BANF2: variants seen among roughly 807,000 people sequenced by gnomAD.
BANF2 encodes the protein barrier-to-autointegration factor-like protein.
In BANF2, 4 loss-of-function variants were observed where a neutral mutation model predicts 8.0. That is an observed-to-expected ratio of 0.50 (90% CI 0.25 to 1.14). The LOEUF (loss-of-function observed/expected upper bound fraction) is 1.14. BANF2 is among the 50% of genes most tolerant of loss of function. BANF2 has a pLI of 0.16. For missense variants in BANF2, 96 were observed against 107.5 expected, an observed-to-expected ratio of 0.89 and a Z score of 0.47; for synonymous variants, 50 against 40.6, an observed-to-expected ratio of 1.23 and a Z score of -0.88.
chr20:17,735,057 C>T (rs780543278), intron 3 of BANF2, among the ~76,000 whole-genome samples: 1 of 151,670 alleles, frequency 6.6e-6, no homozygotes, highest in South Asian at 2.1e-4. Flanking sequence ...CCGGCCTGGG[C>T]GACAGAGCAA....
chr20:17,695,445 CAAAAA>C (rs71192401), upstream of BANF2, among the ~76,000 whole-genome samples: 3 of 51,360 alleles, frequency 5.8e-5, no homozygotes, highest in Non-Finnish European at 1.0e-4. Flanking sequence ...GACCTTGTCT[CAAAAA>C]AAAAAAAAAA....
intron 3 of BANF2, among the ~76,000 whole-genome samples, chr20:17,732,010 G>A (rs901747851): frequency 6.6e-6 from 1 of 151,508 alleles, no homozygotes; most frequent in Non-Finnish European, 1.5e-5. Context: ...AGGTTGCAGT[G>A]AGCCAAGACC....
chr20:17,697,858 CT>C (rs2037359636), upstream of BANF2, among the ~76,000 whole-genome samples: 1 of 152,128 alleles, frequency 6.6e-6, no homozygotes, highest in African/African-American at 2.4e-5. Flanking sequence ...TCATGAATGT[CT>C]TGGTGCTGTA....
chr20:17,695,556 C>A (rs745404920), upstream of BANF2, among the ~76,000 whole-genome samples: 5 of 150,016 alleles, frequency 3.3e-5, no homozygotes, highest in Admixed American at 6.6e-5. Context: ...ACAACTAGCA[C>A]ATTTTAGTGT....
intron 3 of BANF2, among the ~76,000 whole-genome samples, chr20:17,726,646 A>G (rs1600227024): frequency 1.3e-5 from 2 of 152,300 alleles, no homozygotes; most frequent in South Asian, 4.1e-4. Flanking sequence ...AGATCCAGCA[A>G]TCAGATGTCT....
chr20:17,726,682 G>T (rs2037813666), intron 3 of BANF2, among the ~76,000 whole-genome samples: 1 of 152,150 alleles, frequency 6.6e-6, no homozygotes, highest in Non-Finnish European at 1.5e-5. Flanking sequence ...GTTCTCTTGT[G>T]CCTCTTCTTG....
At chr20:17,733,953 T>C (rs1042471790) in intron 3 of BANF2, among the ~76,000 whole-genome samples, 1 of 152,250 alleles carries the variant, frequency 6.6e-6, no homozygotes, top group African/African-American at 2.4e-5. Flanking sequence ...CAGGTTTTCC[T>C]GGAAAGGGCC....
In BANF2 at chr20:17,726,023, T is replaced by C. The variant is rs79217850; in HGVS notation, c.126+872T>C. Among the ~76,000 whole-genome samples the C allele has an allele frequency of 1.1e-3, 168 of 152,328 alleles. 1 individual carries two copies. In the East Asian group the frequency reaches 0.029, roughly 26 times the overall value. ...TGCACTAGCTGGTAAATACTCAGAA[T>C]AACACCCCAATCTGTGAGCCAGTTT... On this transcript the variant is annotated intron_variant, in intron 3 of 3. Coordinates refer to ENST00000246090, the MANE Select transcript of BANF2 (RefSeq NM_178477.5).
intron 1 of BANF2, among the ~76,000 whole-genome samples, chr20:17,716,350 T>A (rs371433247): frequency 6.6e-6 from 1 of 152,100 alleles, no homozygotes; most frequent in Admixed American, 6.5e-5. Context: ...TTCCTTTTTT[T>A]TCTTTTTTGA....
chr20:17,699,764 C>T (rs1050704519), upstream of BANF2, among the ~76,000 whole-genome samples: 1 of 152,212 alleles, frequency 6.6e-6, no homozygotes, highest in Admixed American at 6.5e-5. Flanking sequence ...ACATCCCTCA[C>T]TCTTTCCCAG....
In BANF2 at chr20:17,708,437, AC is replaced by A. The variant is rs753535180; in HGVS notation, c.-167+8383del. ...ATTTCCCAACATTTAAAAATTGGAT[AC>A]TAGTACATAAAAATCTAAACGTTGG... On this transcript the variant is annotated intron_variant, in intron 1 of 3. Transcript: ENST00000246090. Among the ~76,000 whole-genome samples, 200 of 152,338 alleles carry A rather than the reference AC, an allele frequency of 1.3e-3. 1 individual carries two copies. Among genetic ancestry groups the A allele is most frequent in the Middle Eastern group, 3.4e-3 (1 of 294 alleles).
intron 1 of BANF2, among the ~76,000 whole-genome samples, chr20:17,708,363 G>A (rs1197558599): frequency 6.6e-6 from 1 of 152,190 alleles, no homozygotes; most frequent in Non-Finnish European, 1.5e-5. Context: ...ACAAACCGTG[G>A]CATGGCTTTG....
intron 3 of BANF2, 124 bp downstream of exon 3, chr20:17,725,275 G>A: frequency 2.4e-6 from 3 of 1,258,856 alleles, no homozygotes; most frequent in South Asian, 2.8e-5. Context: ...CTGCCGCTTG[G>A]CGGGGTGCCA....
At chr20:17,711,779 C>T (rs1568810691) in intron 1 of BANF2, among the ~76,000 whole-genome samples, 4 of 152,208 alleles carry the variant, frequency 2.6e-5, no homozygotes, top group South Asian at 2.1e-4. Flanking sequence ...GCCACAACCA[C>T]GCATTGAGGT....
intron 1 of BANF2, among the ~76,000 whole-genome samples, chr20:17,705,384 C>A (rs1306636878): frequency 2.0e-5 from 3 of 152,348 alleles, no homozygotes; most frequent in Middle Eastern, 3.4e-3. Context: ...GGGCCCACAG[C>A]TAACCAGGCC....
upstream of BANF2, among the ~76,000 whole-genome samples, chr20:17,696,199 C>CT (rs1453521786): frequency 1.3e-5 from 2 of 152,004 alleles, no homozygotes; most frequent in African/African-American, 2.4e-5. Context: ...GAGATAGGGT[C>CT]TTTCTATATT....
chr20:17,721,747 A>G (rs2037732574), intron 1 of BANF2, among the ~76,000 whole-genome samples: 1 of 152,222 alleles, frequency 6.6e-6, no homozygotes, highest in Non-Finnish European at 1.5e-5. Flanking sequence ...ACCGCTGTTC[A>G]CACAGAGTCA....
At chr20:17,720,242 C>T (rs2037709681) in intron 1 of BANF2, among the ~76,000 whole-genome samples, 1 of 152,172 alleles carries the variant, frequency 6.6e-6, no homozygotes, top group Non-Finnish European at 1.5e-5. Flanking sequence ...GGTATGTACC[C>T]AAAAGAATTG....
At chr20:17,714,886 GC>G (rs2122603066) in intron 1 of BANF2, among the ~76,000 whole-genome samples, 1 of 152,140 alleles carries the variant, frequency 6.6e-6, no homozygotes, top group African/African-American at 2.4e-5. Context: ...CCCGCCCTGT[GC>G]CCCCAAAAAG....
Sources: gnomAD v4.1 joint callset for allele counts (sites outside exome capture counted in the v4.1 genomes callset) on GRCh38, gnomAD v4.1.1 for gene constraint, MANE v1.5 for transcripts, NCBI Gene and HGNC (gene_info 2026-07-23, HGNC 2026-07-21) for gene names.